Variants in THADA observed in about 807,000 individuals in gnomAD.
THADA encodes tRNA (32-2'-O)-methyltransferase regulator THADA.
A neutral mutation model predicts 219.8 loss-of-function variants in THADA; 213 were observed. That is an observed-to-expected ratio of 0.97 (90% CI 0.87 to 1.09). The LOEUF (loss-of-function observed/expected upper bound fraction) is 1.09, where lower values mean the gene tolerates loss of function less well. Ranked by LOEUF, THADA falls within the 50% of genes least tolerant of loss-of-function variation. THADA has a pLI of 0.00. For synonymous variants in THADA, 1,018 were observed against 828.9 expected, an observed-to-expected ratio of 1.23 and a Z score of -3.92; for missense variants, 2,956 against 2,311.3, an observed-to-expected ratio of 1.28 and a Z score of -5.72.
intron 36 of THADA, among the ~76,000 whole-genome samples, chr2:43,265,777 A>G (rs1218720398): frequency 1.3e-5 from 2 of 151,850 alleles, no homozygotes; most frequent in African/African-American, 4.8e-5. Context: ...GTTTCCATAT[A>G]TTTTCCTAAC....
chr2:43,432,181 G>C (rs893481693), intron 26 of THADA, among the ~76,000 whole-genome samples: 1 of 150,324 alleles, frequency 6.7e-6, no homozygotes, highest in African/African-American at 2.5e-5. Flanking sequence ...TATTGGAGAC[G>C]GGGTTTCACC....
intron 28 of THADA, among the ~76,000 whole-genome samples, chr2:43,404,671 G>A (rs1675321972): frequency 6.6e-6 from 1 of 152,118 alleles, no homozygotes; most frequent in Non-Finnish European, 1.5e-5. Context: ...AGACTGAAAT[G>A]ACATTGAGAA....
chr2:43,304,545 G>A (rs927669831), intron 31 of THADA, among the ~76,000 whole-genome samples: 1 of 152,144 alleles, frequency 6.6e-6, no homozygotes, highest in Non-Finnish European at 1.5e-5. Flanking sequence ...AGGAATGAAT[G>A]AACAAATAAG....
intron 28 of THADA, among the ~76,000 whole-genome samples, chr2:43,418,444 T>A (rs1057406324): frequency 2.0e-5 from 3 of 151,998 alleles, no homozygotes; most frequent in African/African-American, 7.2e-5. Flanking sequence ...GAGTCCTGAT[T>A]CTGATATGTT....
At chr2:43,545,642 T>C (rs1184723941) in intron 20 of THADA, among the ~76,000 whole-genome samples, 1 of 152,238 alleles carries the variant, frequency 6.6e-6, no homozygotes, top group African/African-American at 2.4e-5. Context: ...TTCTTCTAGA[T>C]TTTCTAGTTT....
intron 31 of THADA, among the ~76,000 whole-genome samples, chr2:43,302,157 C>G (rs1171311706): frequency 1.3e-5 from 2 of 152,058 alleles, no homozygotes; most frequent in African/African-American, 4.8e-5. Context: ...TGCATGCCAC[C>G]ACACCCATCT....
At chr2:43,467,674 G>C (rs941681027) in intron 26 of THADA, among the ~76,000 whole-genome samples, 4 of 152,140 alleles carry the variant, frequency 2.6e-5, no homozygotes, top group Non-Finnish European at 5.9e-5. Flanking sequence ...AACTACATCT[G>C]TTTTGAGGCT....
chr2:43,478,996 T>C (rs1294313073), intron 26 of THADA, among the ~76,000 whole-genome samples: 1 of 152,182 alleles, frequency 6.6e-6, no homozygotes, highest in Admixed American at 6.5e-5. Flanking sequence ...AAAATACTCA[T>C]TTATCTACTC....
At chr2:43,517,996 C>A (rs959846850) in intron 22 of THADA, among the ~76,000 whole-genome samples, 1 of 152,164 alleles carries the variant, frequency 6.6e-6, no homozygotes, top group Non-Finnish European at 1.5e-5. Flanking sequence ...GCCATTCAGG[C>A]CCTGGCTGAA....
intron 16 of THADA, 145 bp downstream of exon 16, chr2:43,560,089 G>A (rs1697869475): frequency 1.7e-6 from 1 of 592,508 alleles, no homozygotes. Context: ...CAAAATAGTA[G>A]AGAGGTGTTA....
At chr2:43,594,243 T>G (rs188061013) in intron 1 of THADA, among the ~76,000 whole-genome samples, 2 of 152,258 alleles carry the variant, frequency 1.3e-5, no homozygotes, top group Admixed American at 1.3e-4. Flanking sequence ...CTTACTCTCT[T>G]CCTTAAAACT....
chr2:43,498,698 T>C (rs1260024970), intron 25 of THADA, 135 bp downstream of exon 25: 6 of 1,015,094 alleles, frequency 5.9e-6, no homozygotes, highest in Non-Finnish European at 6.9e-6. Flanking sequence ...AAAATGTAGC[T>C]TGATCCAAAG....
At chr2:43,357,359 CA>C (rs1668984091) in intron 29 of THADA, among the ~76,000 whole-genome samples, 1 of 152,028 alleles carries the variant, frequency 6.6e-6, no homozygotes, top group African/African-American at 2.4e-5. Context: ...TAAATTGTCA[CA>C]ACCTTTTTGG....
At chr2:43,332,746 C>A (rs1373129908) in intron 30 of THADA, among the ~76,000 whole-genome samples, 1 of 152,198 alleles carries the variant, frequency 6.6e-6, no homozygotes, top group African/African-American at 2.4e-5. Flanking sequence ...AACAGCAACA[C>A]CCCAGTAAGC....
At chr2:43,299,262 G>C (rs1675965728) in intron 31 of THADA, among the ~76,000 whole-genome samples, 2 of 152,040 alleles carry the variant, frequency 1.3e-5, no homozygotes, top group African/African-American at 4.8e-5. Context: ...AACTGCATTA[G>C]GTACTTTGGG....
chr2:43,291,793 AC>A (rs562199999), intron 33 of THADA, 25 bp from the exon 34 acceptor site: 16,661 of 1,530,662 alleles, frequency 0.011, 151 homozygotes, highest in South Asian at 0.023. Flanking sequence ...AAACAAAAAA[AC>A]AACACAAAAT....
At chr2:43,278,533 A>C (rs1483859791) in intron 36 of THADA, among the ~76,000 whole-genome samples, 1 of 152,220 alleles carries the variant, frequency 6.6e-6, no homozygotes, top group Admixed American at 6.5e-5. Flanking sequence ...GCTATTGGGC[A>C]AGTCTGGCAG....
chr2:43,545,657 G>C (rs1279387481), intron 20 of THADA, among the ~76,000 whole-genome samples: 1 of 152,146 alleles, frequency 6.6e-6, no homozygotes, highest in East Asian at 1.9e-4. Context: ...TAGTTTATTT[G>C]CGTAGAAGTG....
intron 21 of THADA, among the ~76,000 whole-genome samples, chr2:43,536,387 C>A (rs1003963666): frequency 1.3e-5 from 2 of 151,894 alleles, no homozygotes; most frequent in African/African-American, 2.4e-5. Context: ...TATGTTACCT[C>A]CAGCAAAATA....
Sources: gnomAD v4.1 joint callset for allele counts (sites outside exome capture counted in the v4.1 genomes callset) on GRCh38, gnomAD v4.1.1 for gene constraint, MANE v1.5 for transcripts, NCBI Gene and HGNC (gene_info 2026-07-23, HGNC 2026-07-21) for gene names.